NUP98: variants seen among roughly 807,000 people sequenced by gnomAD.
NUP98 encodes nuclear pore complex protein Nup98-Nup96.
NUP98 carries 26 observed loss-of-function variants against 191.9 expected under a neutral mutation model. That is an observed-to-expected ratio of 0.14 (90% CI 0.10 to 0.19). The LOEUF (loss-of-function observed/expected upper bound fraction) is 0.19. Ranked by LOEUF, NUP98 falls within the 10% of genes least tolerant of loss-of-function variation. The pLI is 1.00. For synonymous variants in NUP98, 808 were observed against 778.4 expected, an observed-to-expected ratio of 1.04 and a Z score of -0.63; for missense variants, 1,941 against 2,178.8, an observed-to-expected ratio of 0.89 and a Z score of 2.17.
At chr11:3,712,494 T>C in intron 20 of NUP98, 70 bp downstream of exon 20, 3 of 1,598,500 alleles carry the variant, frequency 1.9e-6, no homozygotes, top group Non-Finnish European at 2.6e-6. Context: ...AGCTTTGTAT[T>C]AGCTGAATGA....
In NUP98 at chr11:3,768,577, T is replaced by G; in HGVS notation, c.948+4A>C. 6.4e-7 allele frequency: 1 copy of G among 1,569,370 alleles called. No individual in the cohort carries two copies. Among genetic ancestry groups the G allele is most frequent in the East Asian group, 2.2e-5 (1 of 44,502 alleles). On this transcript the variant is annotated splice_donor_region_variant and intron_variant, in intron 8 of 32. Transcript: ENST00000324932. ...TGGAGGTAAGTAAGGGTCTGTTTCC[T>G]TACCATGGTGTTGGTGCTTGGCTGT... is the stretch of plus-strand genomic sequence containing the variant.
chr11:3,723,200 G>T lies in NUP98; in HGVS notation c.2103C>A (p.Asp701Glu), dbSNP rs747409901. 4 of 1,614,086 alleles carry T rather than the reference G, an allele frequency of 2.5e-6. No individual in the cohort carries two copies. Among genetic ancestry groups the T allele is most frequent in the South Asian group, 2.2e-5 (2 of 91,080 alleles). ...AAGAATTATTTTCTATTTCTTCTCG[G>T]TCATCCTGAAGTGACTCATCATGAA... ...TSFHDESLQD[D>E]REEIENNSYH... Residue 701 changes from aspartate to glutamate, a missense_variant, in exon 16 of 33, where the codon GAC becomes GAA. By Grantham distance (45) the Asp-to-Glu change is conservative. Coordinates refer to ENST00000324932, the MANE Select transcript of NUP98 (RefSeq NM_016320.5).
chr11:3,688,409 A>AAAT (rs1287422850), intron 28 of NUP98, among the ~76,000 whole-genome samples: 55 of 150,942 alleles, frequency 3.6e-4, no homozygotes, highest in African/African-American at 1.1e-3. Context: ...CCATCTCAAA[A>AAAT]AATAATAATA....
At chr11:3,696,426 C>T (rs12271649) in intron 25 of NUP98, among the ~76,000 whole-genome samples, 12,313 of 151,982 alleles carry the variant, frequency 0.081, 654 homozygotes, top group Non-Finnish European at 0.12. Flanking sequence ...CACTTGAACC[C>T]AGAAGGCAGA....
At chr11:3,752,948 CCTTT>C (rs550998834) in intron 11 of NUP98, among the ~76,000 whole-genome samples, 69 of 152,200 alleles carry the variant, frequency 4.5e-4, no homozygotes, top group Non-Finnish European at 8.7e-4. Flanking sequence ...TATTGCTCTG[CCTTT>C]CTATTAGGGC....
At chr11:3,704,143 A>G (rs1263628455) in intron 22 of NUP98, among the ~76,000 whole-genome samples, 2 of 152,226 alleles carry the variant, frequency 1.3e-5, no homozygotes, top group Non-Finnish European at 2.9e-5. Flanking sequence ...TTTGGTTAAT[A>G]TATTTTCTTT....
At chr11:3,739,522 C>T (rs952055337) in intron 12 of NUP98, among the ~76,000 whole-genome samples, 3 of 152,174 alleles carry the variant, frequency 2.0e-5, no homozygotes, top group Admixed American at 1.3e-4. Flanking sequence ...GCTGAGATTA[C>T]AGGCGTGAGG....
chr11:3,706,295 C>G (rs1489191429), intron 21 of NUP98, 150 bp downstream of exon 21: 3 of 675,270 alleles, frequency 4.4e-6, no homozygotes, highest in Admixed American at 2.8e-5. Context: ...AGAATGAGGC[C>G]CAGACATTGG....
At chr11:3,765,827 A>T (rs1302747619) in intron 8 of NUP98, among the ~76,000 whole-genome samples, 1 of 151,730 alleles carries the variant, frequency 6.6e-6, no homozygotes, top group Non-Finnish European at 1.5e-5. Flanking sequence ...AAAATTGATC[A>T]ATTTTAACTT....
At position 3,700,795 on chromosome 11, in the gene NUP98, A is replaced by C. The variant is rs759974018; in HGVS notation, c.3557T>G (p.Leu1186Trp). The C allele has an allele frequency of 3.1e-6, 5 of 1,614,098 alleles. No homozygotes were observed. The East Asian group carries it at 1.1e-4, about 36-fold the overall frequency. Reference sequence around the variant, plus strand: ...GTCTTCATCTGGCTTTCTTTGTCTCAAACTGAGTTTTTCTAAGTGAACTTT... The same window carrying C: ...GTCTTCATCTGGCTTTCTTTGTCTCCAACTGAGTTTTTCTAAGTGAACTTT... ...PFKVHLEKLSLRQRKPDEDMK... is the reference protein window; with the variant it reads ...PFKVHLEKLSWRQRKPDEDMK... The change falls in exon 24 of 33, where the codon TTG becomes TGG. Residue 1186 changes from leucine to tryptophan, a missense_variant. Leu to Trp is a moderately conservative substitution (Grantham distance 61). Transcript: ENST00000324932.
At position 3,720,832 on chromosome 11, in the gene NUP98, C is replaced by CAA. The variant is rs55821497; in HGVS notation, c.2147-9_2147-8dup. 44,596 of 370,856 alleles carry CAA rather than the reference C, an allele frequency of 0.12. 2,087 individuals carry two copies. Among genetic ancestry groups the CAA allele is most frequent in the African/African-American group, 0.13 (4,212 of 32,698 alleles). 23.0% of individuals were successfully genotyped at this position (370,856 alleles called of 1,614,324 possible). On this transcript the variant is annotated splice_polypyrimidine_tract_variant and splice_region_variant and intron_variant, in intron 16 of 32. Transcript: ENST00000324932. ...ACCTTAGTGAGAATAATACCTGTGA[C>CAA]AAAAAAAAAAAAAAAAACAGAAAAA...
intron 6 of NUP98, among the ~76,000 whole-genome samples, chr11:3,772,350 T>C (rs775366182): frequency 6.6e-6 from 1 of 152,248 alleles, no homozygotes; most frequent in South Asian, 2.1e-4. Context: ...CGGATGTTCC[T>C]GGCACAGCCC....
At position 3,679,659 on chromosome 11, in the gene NUP98, G is replaced by C. The variant is rs763463082; in HGVS notation, c.4968C>G (p.Asp1656Glu). The C allele has an allele frequency of 9.9e-6, 16 of 1,614,178 alleles. No individual in the cohort carries two copies. The South Asian group carries it at 1.8e-4, about 18-fold the overall frequency. The change falls in exon 31 of 33, where the codon GAC becomes GAG. Residue 1656 changes from aspartate to glutamate, a missense_variant. Coordinates refer to ENST00000324932, the MANE Select transcript of NUP98 (RefSeq NM_016320.5). ...GGCTGCTGCGCTCTGGAGGTGCCAG[G>C]TCTTCCAAGAACCCCTTCAGGTAGT... is the stretch of plus-strand genomic sequence containing the variant. ...NYDYLKGFLE[D>E]LAPPERSSLI... is the part of the protein sequence containing the mutation.
intron 29 of NUP98, among the ~76,000 whole-genome samples, chr11:3,684,724 C>T (rs756089659): frequency 8.3e-6 from 1 of 120,492 alleles, no homozygotes; most frequent in African/African-American, 3.2e-5. Flanking sequence ...TTTAATTTCA[C>T]AATCACCTTT....
chr11:3,787,445 C>T (rs2082181242), intron 1 of NUP98, among the ~76,000 whole-genome samples: 1 of 151,880 alleles, frequency 6.6e-6, no homozygotes, highest in Non-Finnish European at 1.5e-5. Flanking sequence ...TAGCCAGAAG[C>T]GGTGGCGCAT....
intron 14 of NUP98, among the ~76,000 whole-genome samples, chr11:3,727,916 G>A (rs984924989): frequency 1.3e-5 from 2 of 151,996 alleles, no homozygotes; most frequent in Admixed American, 6.6e-5. Flanking sequence ...CCAGCTACTC[G>A]GGAGGCCAAG....
intron 28 of NUP98, among the ~76,000 whole-genome samples, chr11:3,689,518 G>A (rs2078239903): frequency 6.6e-6 from 1 of 151,766 alleles, no homozygotes; most frequent in South Asian, 2.1e-4. Flanking sequence ...CTGAGCAAGA[G>A]AGTCTGTCTC....
intron 3 of NUP98, 28 bp downstream of exon 3, chr11:3,779,128 C>A: frequency 6.2e-7 from 1 of 1,613,048 alleles, no homozygotes; most frequent in Admixed American, 1.7e-5. Flanking sequence ...TACAAACAAA[C>A]CAGTTATATC....
chr11:3,764,088 C>G (rs374789488), intron 8 of NUP98, among the ~76,000 whole-genome samples: 7 of 152,290 alleles, frequency 4.6e-5, no homozygotes, highest in African/African-American at 1.7e-4. Context: ...TTCTTACACC[C>G]CCCAAAGAAA....
Sources: gnomAD v4.1 joint callset for allele counts (sites outside exome capture counted in the v4.1 genomes callset) on GRCh38, gnomAD v4.1.1 for gene constraint, MANE v1.5 for transcripts, NCBI Gene and HGNC (gene_info 2026-07-23, HGNC 2026-07-21) for gene names.